Variants in SLC5A6 observed in about 807,000 individuals in gnomAD.
SLC5A6 encodes solute carrier family 5 member 6.
Under a neutral mutation model 67.9 loss-of-function variants are expected in SLC5A6, and 31 were observed. That is an observed-to-expected ratio of 0.46 (90% CI 0.34 to 0.62). The LOEUF (loss-of-function observed/expected upper bound fraction) is 0.62. Ranked by LOEUF, SLC5A6 falls within the 20% of genes least tolerant of loss-of-function variation. SLC5A6 has a pLI of 0.01. For synonymous variants in SLC5A6, 343 were observed against 331.0 expected, an observed-to-expected ratio of 1.04 and a Z score of -0.39; for missense variants, 673 against 812.8, an observed-to-expected ratio of 0.83 and a Z score of 2.09.
upstream of SLC5A6, chr2:27,212,708 T>C: frequency 8.0e-7 from 1 of 1,256,838 alleles, no homozygotes; most frequent in South Asian, 1.8e-5. Flanking sequence ...AATTTTAGAA[T>C]AACTTTAAGT....
chr2:27,201,619 C>A, intron 14 of SLC5A6, 47 bp downstream of exon 14: 1 of 1,587,310 alleles, frequency 6.3e-7, no homozygotes, highest in South Asian at 1.1e-5. Context: ...TGAAAGCCCT[C>A]AAAGGAGGGC....
intron 10 of SLC5A6, 50 bp downstream of exon 10, chr2:27,203,729 A>C: frequency 7.2e-7 from 1 of 1,385,100 alleles, no homozygotes; most frequent in Middle Eastern, 1.8e-4. Context: ...ACCTTGTACC[A>C]AATAGGGGTC....
chr2:27,207,424 A>G lies in SLC5A6; in HGVS notation c.227T>C (p.Leu76Pro). ...MGCLPVALSLLATFQSAVAIL... is the reference protein window; with the variant it reads ...MGCLPVALSLPATFQSAVAIL... ...GGCCACGGCTGACTGGAAGGTGGCC[A>G]GCAGGGACAGTGCCACCGGAAGGCA... is the stretch of plus-strand genomic sequence containing the variant. The change falls in exon 3 of 17, where the codon CTG becomes CCG. Residue 76 changes from leucine (L) to proline (P), a missense_variant. By Grantham distance (98) the Leu-to-Pro change is moderately conservative. Coordinates refer to ENST00000310574, the MANE Select transcript of SLC5A6 (RefSeq NM_021095.4). The surrounding 1 kb of genome is among the most constrained non-coding windows in gnomAD (Gnocchi z 5.5). The G allele has an allele frequency of 6.2e-7, 1 of 1,614,238 alleles. No individual in the cohort carries two copies. Among genetic ancestry groups the G allele is most frequent in the Non-Finnish European group, 8.5e-7 (1 of 1,180,048 alleles).
intron 1 of SLC5A6, 104 bp downstream of exon 1, chr2:27,211,916 C>T: frequency 2.5e-6 from 1 of 397,040 alleles, no homozygotes; most frequent in Non-Finnish European, 4.4e-6. Context: ...GGTCTCCACA[C>T]GTGGGTAGCC....
chr2:27,201,134 G>A (rs1558502742), intron 15 of SLC5A6, 21 bp from the exon 16 acceptor site: 1 of 1,575,200 alleles, frequency 6.3e-7, no homozygotes, highest in Non-Finnish European at 8.7e-7. Context: ...ATGTGCTTCT[G>A]AGTCTCTGGG....
chr2:27,207,697 C>G lies in SLC5A6; in HGVS notation c.-47G>C. On this transcript the variant is annotated 5_prime_UTR_variant, in exon 3 of 17. Coordinates refer to ENST00000310574, the MANE Select transcript of SLC5A6 (RefSeq NM_021095.4). This position sits in a 1 kb window ranked among gnomAD's most constrained non-coding sequence, Gnocchi z 5.5. Reference sequence around the variant, plus strand: ...TGCAGCCAGTTGCTGCTCCAGGGCTCTGGGGTAGGGCAGGGGCGGATGTGT... The same window carrying G: ...TGCAGCCAGTTGCTGCTCCAGGGCTGTGGGGTAGGGCAGGGGCGGATGTGT... 6.4e-7 allele frequency: 1 copy of G among 1,571,752 alleles called. No individual in the cohort carries two copies. The highest frequency in any genetic ancestry group is 8.7e-7 in the Non-Finnish European group (1 of 1,153,778).
intron 2 of SLC5A6, among the ~76,000 whole-genome samples, chr2:27,209,162 C>CT (rs1674288528): frequency 1.3e-4 from 20 of 152,166 alleles, no homozygotes; most frequent in Non-Finnish European, 1.5e-5. Flanking sequence ...AGCACAGAGC[C>CT]GACTATTGTC....
At chr2:27,206,995 A>T in intron 3 of SLC5A6, 53 bp from the exon 4 acceptor site, 1 of 1,443,608 alleles carries the variant, frequency 6.9e-7, no homozygotes. Flanking sequence ...GACAACTCAC[A>T]GACAAATTCC....
intron 7 of SLC5A6, 118 bp downstream of exon 7, chr2:27,205,232 G>T: frequency 9.8e-7 from 1 of 1,020,514 alleles, no homozygotes; most frequent in Non-Finnish European, 1.4e-6. Flanking sequence ...CCCACTGTCT[G>T]CTGTTACACC....
At position 27,203,289 on chromosome 2, in the gene SLC5A6, C is replaced by T. The variant is rs1010003678; in HGVS notation, c.1151G>A (p.Arg384Gln). ...LATVTMEDLI[R>Q]PWFPEFSEAR... ...TTCAGAGAACTCAGGGAACCAAGGT[C>T]GAATCAGGTCTTCCATCGTAACAGT... Residue 384 changes from arginine to glutamine, a missense_variant, in exon 11 of 17, where the codon CGA becomes CAA. Coordinates refer to ENST00000310574, the MANE Select transcript of SLC5A6 (RefSeq NM_021095.4). 1.2e-6 allele frequency: 2 copies of T among 1,613,898 alleles called. No homozygotes were observed. The highest frequency in any genetic ancestry group is 8.5e-7 in the Non-Finnish European group (1 of 1,179,992).
rs561737304 is a variant in SLC5A6, at chr2:27,201,505, T to C, written c.1545-52A>G. 75 of 1,408,916 alleles carry C rather than the reference T, an allele frequency of 5.3e-5. No homozygotes were observed. In the African/African-American group the frequency reaches 1.0e-3, roughly 19 times the overall value. 87.3% of individuals were successfully genotyped at this position (1,408,916 alleles called of 1,614,324 possible). ...TAGCAATTCGTTGGCAGGGCATTCC[T>C]TGGGCACCAATCTCTACTTGCCCGC... On this transcript the variant is annotated intron_variant, in intron 14 of 16. Transcript: ENST00000310574.
In SLC5A6 at chr2:27,207,283, C is replaced by T. The variant is rs188933728; in HGVS notation, c.368G>A (p.Arg123His). 1.3e-5 allele frequency: 21 copies of T among 1,613,884 alleles called. No individual in the cohort carries two copies. In the East Asian group the frequency reaches 2.5e-4, roughly 19 times the overall value. Residue 123 changes from arginine to histidine, a missense_variant, in exon 3 of 17, where the codon CGC becomes CAC. Transcript: ENST00000310574. The surrounding 1 kb of genome is among the most constrained non-coding windows in gnomAD (Gnocchi z 5.5). ...CTCATAGGCACTGGTGAGATGCAGG[C>T]GGTAGAAAACGGGGATGAAGATGTG... ...PAHIFIPVFY[R>H]LHLTSAYEYL...
In SLC5A6 at chr2:27,200,545, G is replaced by T; in HGVS notation, c.1799C>A (p.Pro600Gln). Residue 600 changes from proline to glutamine, a missense_variant, in exon 17 of 17, where the codon CCG (proline) becomes CAG (glutamine). Physicochemically the swap from Pro to Gln is moderately conservative, Grantham distance 76. Transcript: ENST00000310574. The part of the protein sequence containing the change: ...HLDTGLFPEK[P>Q]RNGVLGDSRD... ...GCTGTCCCCCAGCACACCATTCCTC[G>T]GCTTCTCAGGAAACAGGCCAGTGTC... 2 of 1,613,878 alleles carry T rather than the reference G, an allele frequency of 1.2e-6. No individual in the cohort carries two copies. The highest frequency in any genetic ancestry group is 1.7e-6 in the Non-Finnish European group (2 of 1,179,874).
chr2:27,201,286 G>T (rs1231403050), intron 15 of SLC5A6, 64 bp downstream of exon 15: 32 of 1,151,494 alleles, frequency 2.8e-5, no homozygotes, highest in Non-Finnish European at 4.2e-5. Context: ...TTTCTCCCTA[G>T]AGTCCCTTAG....
intron 9 of SLC5A6, among the ~76,000 whole-genome samples, 156 bp downstream of exon 9, chr2:27,204,305 A>C (rs1673884482): frequency 6.6e-6 from 1 of 152,036 alleles, no homozygotes; most frequent in African/African-American, 2.4e-5. Flanking sequence ...CGCGATCCTC[A>C]CATGCTAGAT....
At position 27,201,981 on chromosome 2, in the gene SLC5A6, C is replaced by A; in HGVS notation, c.1362+7G>T. 1 of 1,612,690 alleles carries A rather than the reference C, an allele frequency of 6.2e-7. No individual in the cohort carries two copies. The highest frequency in any genetic ancestry group is 1.1e-5 in the South Asian group (1 of 91,050). On this transcript the variant is annotated splice_region_variant and intron_variant, in intron 13 of 16. Coordinates refer to ENST00000310574, the MANE Select transcript of SLC5A6 (RefSeq NM_021095.4). The stretch of plus-strand genomic sequence containing the variant: ...CACATGACTGTGGATCCAGATGCAT[C>A]ACTCACAGGAGGGTTAGCACATGGA...
In SLC5A6 at chr2:27,211,249, G is replaced by C. The variant is rs868309940; in HGVS notation, c.-141+218C>G. Among the ~76,000 whole-genome samples the C allele has an allele frequency of 4.1e-4, 62 of 152,226 alleles. 2 individuals are homozygous for C. The highest frequency in any genetic ancestry group is 3.9e-4 in the Admixed American group (6 of 15,284). ...TACTAACACCTTAGAAAATTTGCCA[G>C]CCAGCTAAACGTAAACCTTTCAGGA... On this transcript the variant is annotated intron_variant, in intron 2 of 16. Transcript: ENST00000310574.
rs116756872 is a variant in SLC5A6, at chr2:27,201,507, G to A, written c.1545-54C>T. 1,681 of 1,400,486 alleles carry A rather than the reference G, an allele frequency of 1.2e-3. 14 individuals are homozygous for A. In the African/African-American group the frequency reaches 0.02, roughly 17 times the overall value. The allele number at this position is 1,400,486 out of a possible 1,614,324, so 86.8% of individuals were successfully genotyped here. A position where few individuals can be genotyped will look rare whatever the true frequency, so the allele number is the denominator to read the frequency against. ...GCAATTCGTTGGCAGGGCATTCCTT[G>A]GGCACCAATCTCTACTTGCCCGCAT... is the stretch of plus-strand genomic sequence containing the variant. On this transcript the variant is annotated intron_variant, in intron 14 of 16. Coordinates refer to ENST00000310574, the MANE Select transcript of SLC5A6 (RefSeq NM_021095.4).
Position 27,206,508 on chromosome 2 carries a change from A to G in SLC5A6, c.486T>C (p.Tyr162=), listed in dbSNP as rs777590275. The change falls in exon 5 of 17, where the codon TAT becomes TAC. Residue 162 remains tyrosine, a synonymous_variant. Coordinates refer to ENST00000310574, the MANE Select transcript of SLC5A6 (RefSeq NM_021095.4). ...QMVIYMGVVL[Y]APSLALNAVT... The stretch of plus-strand genomic sequence containing the variant: ...CTGCATTGAGAGCCAATGACGGAGC[A>G]TAGAGCACAACTCCCATGTAGATCA... The G allele has an allele frequency of 1.8e-5, 29 of 1,614,106 alleles. No individual in the cohort carries two copies. The highest frequency in any genetic ancestry group is 2.3e-5 in the Non-Finnish European group (27 of 1,180,038).
Sources: gnomAD v4.1 joint callset for allele counts (sites outside exome capture counted in the v4.1 genomes callset) on GRCh38, gnomAD v4.1.1 for gene constraint, Gnocchi (gnomAD v3.1) non-coding constraint, MANE v1.5 for transcripts, NCBI Gene and HGNC (gene_info 2026-07-23, HGNC 2026-07-21) for gene names.